Variants in ATP11A observed in about 807,000 individuals in gnomAD.
ATP11A encodes ATPase phospholipid transporting 11A, also known as phospholipid-transporting ATPase IH.
ATP11A carries 81 observed loss-of-function variants against 154.4 expected under a neutral mutation model. The observed-to-expected ratio is 0.52, with a 90% confidence interval of 0.44 to 0.63. The LOEUF is 0.63. ATP11A is among the 30% of genes least tolerant of loss of function. The pLI is 0.00. For missense variants in ATP11A, 1,316 were observed against 1,474.3 expected (o/e 0.89, Z 1.76); for synonymous variants, 623 against 585.9 (o/e 1.06, Z -0.91).
At position 112,753,532 on chromosome 13, in the gene ATP11A, G is replaced by A. The variant is rs2076747354; in HGVS notation, c.40-31603G>A. Among the ~76,000 whole-genome samples the A allele has an allele frequency of 6.6e-6, 1 of 152,190 alleles. No individual in the cohort carries two copies. On this transcript the variant is annotated intron_variant, in intron 1 of 29. Transcript: ENST00000375645. This position sits in a 1 kb window ranked among gnomAD's most constrained non-coding sequence, Gnocchi z 4.1. ...CCACGTCCTGTTGTGGTTTTATCTT[G>A]TACTTCTCCTGCTAACAGGCAGGTT...
chr13:112,690,765 G>A lies in ATP11A; in HGVS notation c.39+310G>A, dbSNP rs946878230. Among the ~76,000 whole-genome samples the A allele has an allele frequency of 2.6e-5, 4 of 152,232 alleles. No homozygotes were observed. Among genetic ancestry groups the A allele is most frequent in the East Asian group, 1.9e-4 (1 of 5,132 alleles). On this transcript the variant is annotated intron_variant, in intron 1 of 29. Transcript: ENST00000375645. The surrounding 1 kb of genome is among the most constrained non-coding windows in gnomAD (Gnocchi z 5.6). ...CCCTGGGGGTCCCTCGGAGAGGCTG[G>A]CTGGGGTTCGAGCTGTCCCGGCGGA...
At chr13:112,842,184 T>A in intron 16 of ATP11A, 92 bp from the exon 17 acceptor site, 1 of 1,006,372 alleles carries the variant, frequency 9.9e-7, no homozygotes, top group Non-Finnish European at 1.5e-6. Flanking sequence ...CTGCTATCCC[T>A]GTTTTTTGTT....
intron 1 of ATP11A, among the ~76,000 whole-genome samples, chr13:112,759,351 C>T (rs893219690): frequency 2.0e-5 from 3 of 152,140 alleles, no homozygotes; most frequent in Non-Finnish European, 4.4e-5. Flanking sequence ...TCCAGCCACC[C>T]GCAACACACT....
intron 2 of ATP11A, among the ~76,000 whole-genome samples, chr13:112,803,932 TGCC>T (rs1323837495): frequency 4.8e-5 from 3 of 62,690 alleles, no homozygotes; most frequent in African/African-American, 6.2e-5. Context: ...ATCCCCTCTC[TGCC>T]CTCCTTCCCC....
chr13:112,793,947 C>T (rs1594721148), intron 2 of ATP11A, among the ~76,000 whole-genome samples: 1 of 152,236 alleles, frequency 6.6e-6, no homozygotes, highest in African/African-American at 2.4e-5. Flanking sequence ...AAACCTGAGG[C>T]TCAGACACTA....
At chr13:112,841,720 G>A (rs889150040) in intron 16 of ATP11A, among the ~76,000 whole-genome samples, 4 of 152,284 alleles carry the variant, frequency 2.6e-5, no homozygotes, top group African/African-American at 9.6e-5. Context: ...TGCAGTGCCT[G>A]GAAGAGAAAC....
In ATP11A at chr13:112,797,259, G is replaced by T. The variant is rs545680391; in HGVS notation, c.163-7698G>T. On this transcript the variant is annotated intron_variant, in intron 2 of 29. Coordinates refer to ENST00000375645, the MANE Select transcript of ATP11A (RefSeq NM_015205.3). ...GATAGCACCACTGCACTCCACCCTG[G>T]GCAGCCAGAGTGAAAACTCCATCTC... Among the ~76,000 whole-genome samples, 12 of 143,018 alleles carry T rather than the reference G, an allele frequency of 8.4e-5. No individual in the cohort carries two copies. The South Asian group carries it at 2.5e-3, about 30-fold the overall frequency. The allele number at this position is 143,018 out of a possible 152,430, so 93.8% of individuals were successfully genotyped here. A position where few individuals can be genotyped will look rare whatever the true frequency, so the allele number is the denominator to read the frequency against.
chr13:112,734,549 C>T (rs894372564), intron 1 of ATP11A, among the ~76,000 whole-genome samples: 1 of 151,978 alleles, frequency 6.6e-6, no homozygotes, highest in Non-Finnish European at 1.5e-5. Context: ...GCAGGCTGCC[C>T]GGAGAGTCAA....
intron 25 of ATP11A, among the ~76,000 whole-genome samples, chr13:112,864,891 G>A (rs201225039): frequency 0.014 from 997 of 69,474 alleles, 32 homozygotes; most frequent in East Asian, 0.058. Context: ...GCAGGCCTGC[G>A]CAGCTTCCCA....
intron 1 of ATP11A, among the ~76,000 whole-genome samples, chr13:112,726,105 T>C (rs1177212226): frequency 6.6e-6 from 1 of 152,206 alleles, no homozygotes; most frequent in Non-Finnish European, 1.5e-5. Flanking sequence ...CTGAAGGGAA[T>C]AGTGTGTGTC....
chr13:112,839,366 C>T (rs2079330536), intron 16 of ATP11A, among the ~76,000 whole-genome samples: 1 of 152,014 alleles, frequency 6.6e-6, no homozygotes, highest in Non-Finnish European at 1.5e-5. Context: ...TCCTGGAGCT[C>T]CTCCAGGAGC....
At chr13:112,798,841 A>G (rs930850217) in intron 2 of ATP11A, among the ~76,000 whole-genome samples, 2 of 152,272 alleles carry the variant, frequency 1.3e-5, no homozygotes, top group Admixed American at 1.3e-4. Flanking sequence ...TAATCACTTT[A>G]AGTGTGAATT....
At chr13:112,779,105 T>G (rs1259881773) in intron 1 of ATP11A, among the ~76,000 whole-genome samples, 5 of 43,102 alleles carry the variant, frequency 1.2e-4, no homozygotes, top group Non-Finnish European at 1.6e-4. Context: ...GCCACTGGAG[T>G]GAGTAGCCAC....
intron 8 of ATP11A, among the ~76,000 whole-genome samples, chr13:112,820,788 C>T (rs2078778249): frequency 6.6e-6 from 1 of 152,168 alleles, no homozygotes; most frequent in Admixed American, 6.5e-5. Context: ...ATTTTTCTTC[C>T]ATTGTAAGCA....
At chr13:112,849,518 C>T (rs1180790433) in intron 17 of ATP11A, among the ~76,000 whole-genome samples, 1 of 152,148 alleles carries the variant, frequency 6.6e-6, no homozygotes, top group Non-Finnish European at 1.5e-5. Context: ...CCTGTAAAAC[C>T]ATTTTCTTGT....
At chr13:112,808,955 C>T (rs2033538) in intron 4 of ATP11A, among the ~76,000 whole-genome samples, 34,571 of 152,118 alleles carry the variant, frequency 0.23, 4,268 homozygotes, top group Non-Finnish European at 0.26. Flanking sequence ...TTCCTGGGCA[C>T]CTCCTCTTTG....
chr13:112,871,634 G>A, intron 25 of ATP11A, 101 bp from the exon 26 acceptor site: 2 of 1,094,158 alleles, frequency 1.8e-6, no homozygotes, highest in Non-Finnish European at 1.4e-6. Flanking sequence ...TGAAGTGTTG[G>A]CACACAAGAA....
intron 28 of ATP11A, among the ~76,000 whole-genome samples, chr13:112,876,959 G>A (rs1025993613): frequency 6.6e-6 from 1 of 152,230 alleles, no homozygotes; most frequent in Non-Finnish European, 1.5e-5. Context: ...AGCTTTCTTG[G>A]GACATTGGTG....
chr13:112,791,454 GA>G (rs2077854555), intron 2 of ATP11A, among the ~76,000 whole-genome samples: 2 of 152,378 alleles, frequency 1.3e-5, no homozygotes, highest in East Asian at 3.9e-4. Context: ...TCACAGGGAA[GA>G]AACCAGCAGC....
Sources: gnomAD v4.1 joint callset for allele counts (sites outside exome capture counted in the v4.1 genomes callset) on GRCh38, gnomAD v4.1.1 for gene constraint, Gnocchi (gnomAD v3.1) non-coding constraint, MANE v1.5 for transcripts, NCBI Gene and HGNC (gene_info 2026-07-23, HGNC 2026-07-21) for gene names.